DNER: variants seen among roughly 807,000 people sequenced by gnomAD.
DNER encodes the protein delta and Notch-like epidermal growth factor-related receptor.
In DNER, 33 loss-of-function variants were observed where a neutral mutation model predicts 78.2. The ratio of observed to expected loss-of-function variants is 0.42; its 90% CI spans 0.32 to 0.56. The LOEUF is 0.56. Ranked by LOEUF, DNER falls within the 20% of genes least tolerant of loss-of-function variation. DNER has a pLI of 0.11. For missense variants in DNER, 918 were observed against 975.3 expected (o/e 0.94, Z 0.78); for synonymous variants, 417 against 384.8 (o/e 1.08, Z -0.98).
At chr2:229,663,602 A>G (rs148351931) in intron 1 of DNER, among the ~76,000 whole-genome samples, 126 of 152,328 alleles carry the variant, frequency 8.3e-4, no homozygotes, top group African/African-American at 2.8e-3. Flanking sequence ...AGTAACACCA[A>G]TAGGAAGAAG....
chr2:229,679,547 T>C (rs1435712417), intron 1 of DNER, among the ~76,000 whole-genome samples: 1 of 152,186 alleles, frequency 6.6e-6, no homozygotes, highest in Non-Finnish European at 1.5e-5. Flanking sequence ...CCTAACGTCG[T>C]CTGACAGTTT....
intron 12 of DNER, among the ~76,000 whole-genome samples, chr2:229,360,512 G>A (rs890684422): frequency 1.3e-5 from 2 of 152,158 alleles, no homozygotes; most frequent in Middle Eastern, 3.4e-3. Flanking sequence ...TCCTATGTTC[G>A]TGCCATTCTC....
chr2:229,366,843 AG>A (rs1388485174), intron 12 of DNER, 29 bp downstream of exon 12: 2 of 1,612,586 alleles, frequency 1.2e-6, no homozygotes, highest in Non-Finnish European at 1.7e-6. Context: ...ATGTGAAGGC[AG>A]CATTCCCCAC....
chr2:229,548,579 C>G (rs946460713), intron 4 of DNER, among the ~76,000 whole-genome samples: 2 of 151,980 alleles, frequency 1.3e-5, no homozygotes, highest in Non-Finnish European at 2.9e-5. Context: ...ACATCACACA[C>G]TGGGGCCTGT....
chr2:229,405,432 C>T (rs1004387530), intron 10 of DNER, among the ~76,000 whole-genome samples: 1 of 152,012 alleles, frequency 6.6e-6, no homozygotes, highest in African/African-American at 2.4e-5. Flanking sequence ...GATAAGTACA[C>T]AAAGATGTAA....
intron 5 of DNER, among the ~76,000 whole-genome samples, chr2:229,541,492 G>A (rs549239436): frequency 7.9e-5 from 12 of 152,208 alleles, no homozygotes; most frequent in Admixed American, 2.6e-4. Context: ...TTATTGGAAC[G>A]CTAAGCCTGT....
At chr2:229,539,976 T>C (rs1259277312) in intron 5 of DNER, among the ~76,000 whole-genome samples, 1 of 152,174 alleles carries the variant, frequency 6.6e-6, no homozygotes, top group Non-Finnish European at 1.5e-5. Context: ...CTCCAGAGCC[T>C]AGAGGGTACC....
intron 1 of DNER, among the ~76,000 whole-genome samples, chr2:229,598,423 C>A (rs1326966360): frequency 1.3e-5 from 2 of 152,146 alleles, no homozygotes; most frequent in South Asian, 2.1e-4. Flanking sequence ...GCTCACAGTC[C>A]AATAGATGAG....
chr2:229,613,318 G>T (rs146330963), intron 1 of DNER, among the ~76,000 whole-genome samples: 62 of 152,290 alleles, frequency 4.1e-4, no homozygotes, highest in African/African-American at 1.4e-3. Flanking sequence ...GCAAAATCAA[G>T]CATTCAAGCA....
In DNER at chr2:229,509,763, C is replaced by T. The variant is rs111762592; in HGVS notation, c.1147+3020G>A. Among the ~76,000 whole-genome samples the T allele has an allele frequency of 6.6e-4, 100 of 152,108 alleles. No homozygotes were observed. In the South Asian group the frequency reaches 0.013, roughly 19 times the overall value. On this transcript the variant is annotated intron_variant, in intron 6 of 12. Transcript: ENST00000341772. ...CTGGAAGACAGAGGTTGCAGTGAGC[C>T]GAGATCATGCCACTGCATTCCAGCC...
intron 1 of DNER, among the ~76,000 whole-genome samples, chr2:229,628,096 T>G (rs1166551818): frequency 6.6e-6 from 1 of 152,144 alleles, no homozygotes; most frequent in Non-Finnish European, 1.5e-5. Flanking sequence ...AGCTACTACT[T>G]CCTGCCTCTT....
chr2:229,529,431 C>T (rs1287297891), intron 5 of DNER, among the ~76,000 whole-genome samples: 1 of 152,210 alleles, frequency 6.6e-6, no homozygotes, highest in Non-Finnish European at 1.5e-5. Flanking sequence ...CCATCCAAGA[C>T]CCCTACCACA....
intron 5 of DNER, among the ~76,000 whole-genome samples, chr2:229,527,131 T>TCAAG (rs199923753): frequency 0.026 from 3,896 of 152,296 alleles, 171 homozygotes; most frequent in African/African-American, 0.089. Context: ...GGAATGAGGC[T>TCAAG]GTCGTTCACG....
In DNER at chr2:229,376,932, T is replaced by C. The variant is rs535375057; in HGVS notation, c.1856-9813A>G. Among the ~76,000 whole-genome samples the C allele has an allele frequency of 3.9e-5, 6 of 152,316 alleles. No homozygotes were observed. In the South Asian group the frequency reaches 1.2e-3, roughly 32 times the overall value. Reference sequence around the variant, plus strand: ...AGAACTGCCCATATAATATAATCATTTGATACATTTCTTTAACCATTATTA... The same window carrying C: ...AGAACTGCCCATATAATATAATCATCTGATACATTTCTTTAACCATTATTA... On this transcript the variant is annotated intron_variant, in intron 11 of 12. Transcript: ENST00000341772.
intron 6 of DNER, among the ~76,000 whole-genome samples, chr2:229,486,813 T>A (rs1695285791): frequency 6.6e-6 from 1 of 152,166 alleles, no homozygotes; most frequent in East Asian, 1.9e-4. Context: ...GTTTCCCAGA[T>A]CAGCAGCATC....
intron 6 of DNER, among the ~76,000 whole-genome samples, chr2:229,497,947 C>A (rs1422619281): frequency 6.6e-6 from 1 of 151,558 alleles, no homozygotes; most frequent in Non-Finnish European, 1.5e-5. Context: ...GCCAGCGTTA[C>A]CCTGATACCA....
intron 1 of DNER, among the ~76,000 whole-genome samples, chr2:229,639,218 A>C (rs937051251): frequency 1.3e-5 from 2 of 152,168 alleles, no homozygotes; most frequent in African/African-American, 4.8e-5. Context: ...TCTCATAAGC[A>C]CCAATTATTT....
At chr2:229,641,815 C>T (rs925258970) in intron 1 of DNER, among the ~76,000 whole-genome samples, 14 of 152,144 alleles carry the variant, frequency 9.2e-5, no homozygotes, top group African/African-American at 3.4e-4. Flanking sequence ...TAAAATCCTG[C>T]ATTTCAGTGA....
chr2:229,485,168 G>A (rs1382323736), intron 6 of DNER, among the ~76,000 whole-genome samples: 2 of 152,164 alleles, frequency 1.3e-5, no homozygotes, highest in Non-Finnish European at 2.9e-5. Context: ...GAAAAGTTGT[G>A]ACTCAGGGTA....
Sources: allele counts gnomAD v4.1 joint callset (sites outside exome capture counted in the v4.1 genomes callset), GRCh38; gene constraint gnomAD v4.1.1; transcripts MANE v1.5; gene names NCBI Gene and HGNC (gene_info 2026-07-23, HGNC 2026-07-21).